The following HCRTR2 variants were observed in gnomAD, a reference collection of about 807,000 sequenced individuals.
HCRTR2 encodes the protein hypocretin receptor 2.
A neutral mutation model predicts 49.0 loss-of-function variants in HCRTR2; 22 were observed. The ratio of observed to expected loss-of-function variants is 0.45; its 90% CI spans 0.32 to 0.64. The LOEUF is 0.64. HCRTR2 is among the 30% of genes least tolerant of loss of function. The pLI, the probability that HCRTR2 is intolerant of heterozygous loss-of-function variation, is 0.04. For missense variants in HCRTR2, 491 were observed against 559.4 expected (o/e 0.88, Z 1.23); for synonymous variants, 236 against 205.3 (o/e 1.15, Z -1.28).
chr6:55,273,017 A>G (rs1422975058), intron 4 of HCRTR2, among the ~76,000 whole-genome samples: 1 of 152,088 alleles, frequency 6.6e-6, no homozygotes, highest in Non-Finnish European at 1.5e-5. Context: ...GGAGCTATTC[A>G]TAGTGAGAAT....
At chr6:55,271,605 A>C (rs529007341) in intron 4 of HCRTR2, among the ~76,000 whole-genome samples, 1 of 152,246 alleles carries the variant, frequency 6.6e-6, no homozygotes, top group Non-Finnish European at 1.5e-5. Flanking sequence ...AGCCCATATA[A>C]ATGCAGAAAA....
chr6:55,107,264 A>G (rs2127609712), intron 1 of HCRTR2, among the ~76,000 whole-genome samples: 1 of 152,278 alleles, frequency 6.6e-6, no homozygotes, highest in Non-Finnish European at 1.5e-5. Flanking sequence ...AAAAATATTC[A>G]AATACTATAA....
chr6:55,259,729 A>G (rs1193579358), intron 3 of HCRTR2, among the ~76,000 whole-genome samples: 3 of 151,914 alleles, frequency 2.0e-5, no homozygotes, highest in Non-Finnish European at 4.4e-5. Context: ...ATTTTTAATG[A>G]TTATCAATAT....
At chr6:55,111,302 A>C (rs566343252) in intron 1 of HCRTR2, among the ~76,000 whole-genome samples, 1 of 152,238 alleles carries the variant, frequency 6.6e-6, no homozygotes, top group Non-Finnish European at 1.5e-5. Flanking sequence ...CTAGCAAAAG[A>C]AAAGAAATAA....
At chr6:55,165,120 A>C (rs1292769772) in intron 1 of HCRTR2, among the ~76,000 whole-genome samples, 1 of 152,196 alleles carries the variant, frequency 6.6e-6, no homozygotes, top group Admixed American at 6.6e-5. Context: ...ATACAGTCAG[A>C]GGAGACAAAA....
chr6:55,141,206 G>A (rs554785047), intron 1 of HCRTR2, among the ~76,000 whole-genome samples: 120 of 151,672 alleles, frequency 7.9e-4, no homozygotes, highest in African/African-American at 2.2e-3. Context: ...TTAACCGGGC[G>A]TGGTGGCAGT....
At chr6:55,127,334 C>T (rs964951609) in intron 1 of HCRTR2, among the ~76,000 whole-genome samples, 5 of 151,994 alleles carry the variant, frequency 3.3e-5, no homozygotes, top group Admixed American at 6.6e-5. Flanking sequence ...GAAAACTCCC[C>T]GACCCCTTGC....
intron 1 of HCRTR2, among the ~76,000 whole-genome samples, chr6:55,223,899 C>A (rs769301629): frequency 2.0e-5 from 3 of 152,078 alleles, no homozygotes; most frequent in Non-Finnish European, 4.4e-5. Flanking sequence ...ATATGCAGAG[C>A]TGTTAATGGC....
intron 1 of HCRTR2, among the ~76,000 whole-genome samples, chr6:55,230,486 T>A (rs998587781): frequency 2.6e-5 from 4 of 152,126 alleles, no homozygotes; most frequent in Non-Finnish European, 5.9e-5. Flanking sequence ...AAAATATGAG[T>A]AAATGGTATT....
intron 1 of HCRTR2, among the ~76,000 whole-genome samples, chr6:55,219,840 T>A (rs1044470332): frequency 6.6e-6 from 1 of 151,864 alleles, no homozygotes; most frequent in Non-Finnish European, 1.5e-5. Flanking sequence ...GACTCATAAA[T>A]AATATTGTAA....
At chr6:55,124,303 T>C (rs1764243839) in intron 1 of HCRTR2, among the ~76,000 whole-genome samples, 1 of 152,192 alleles carries the variant, frequency 6.6e-6, no homozygotes, top group South Asian at 2.1e-4. Flanking sequence ...ACAGAGATTC[T>C]GGTATGTTAT....
At chr6:55,126,863 T>C (rs1174220046) in intron 1 of HCRTR2, among the ~76,000 whole-genome samples, 3 of 152,178 alleles carry the variant, frequency 2.0e-5, no homozygotes, top group Non-Finnish European at 4.4e-5. Context: ...TTGTTTATAC[T>C]GTGAGTGTAA....
In HCRTR2 at chr6:55,205,365, A is replaced by G. The variant is rs999462885; in HGVS notation, c.223+30555A>G. The stretch of plus-strand genomic sequence containing the variant: ...GAGAGATCGAGAAGAATGGCTGGGG[A>G]AGAAGGAATCTAAGGTAGTGAAGAG... On this transcript the variant is annotated intron_variant, in intron 1 of 6. Coordinates refer to ENST00000370862, the MANE Select transcript of HCRTR2 (RefSeq NM_001384272.1). 2.0e-5 allele frequency among the ~76,000 whole-genome samples: 3 copies of G among 152,194 alleles called. No homozygotes were observed. In the South Asian group the frequency reaches 6.2e-4, roughly 31 times the overall value.
At chr6:55,226,177 T>G (rs1766000894) in intron 1 of HCRTR2, among the ~76,000 whole-genome samples, 3 of 152,236 alleles carry the variant, frequency 2.0e-5, no homozygotes, top group Admixed American at 6.5e-5. Flanking sequence ...CTTAGTTTCC[T>G]TATTTTCTAT....
At chr6:55,115,527 A>G (rs1216270943) in intron 1 of HCRTR2, among the ~76,000 whole-genome samples, 1 of 151,260 alleles carries the variant, frequency 6.6e-6, no homozygotes, top group Non-Finnish European at 1.5e-5. Flanking sequence ...TAGTAGTAGT[A>G]GTACTAGCAG....
At chr6:55,113,356 G>A (rs1038940737) in intron 1 of HCRTR2, among the ~76,000 whole-genome samples, 1 of 152,034 alleles carries the variant, frequency 6.6e-6, no homozygotes, top group African/African-American at 2.4e-5. Context: ...CACAGAGTGG[G>A]AGAAAATCTT....
intron 1 of HCRTR2, among the ~76,000 whole-genome samples, chr6:55,134,575 T>C (rs1235839916): frequency 6.6e-6 from 1 of 151,886 alleles, no homozygotes; most frequent in Non-Finnish European, 1.5e-5. Context: ...CCCCAGATCT[T>C]ATTCATCTTA....
chr6:55,134,239 C>T lies in HCRTR2; in HGVS notation c.-378+27694C>T, dbSNP rs546847594. ...TGTTTGTTTGTTTGTTTGTTTTTTG[C>T]TTCAACTCACTCTAAAATTTTCTAT... On this transcript the variant is annotated intron_variant, in intron 1 of 7. Transcript: ENST00000615358. Among the ~76,000 whole-genome samples, 3 of 146,934 alleles carry T rather than the reference C, an allele frequency of 2.0e-5. No homozygotes were observed. The South Asian group carries it at 6.5e-4, about 32-fold the overall frequency.
At position 55,255,451 on chromosome 6, in the gene HCRTR2, A is replaced by G; in HGVS notation, c.646+72A>G. ...AATTGAAAATTGGATTAGCATAGCC[A>G]TTGTAAAGCTGGGCTTATATATTTT... On this transcript the variant is annotated intron_variant, in intron 3 of 6. Transcript: ENST00000370862. The G allele has an allele frequency of 2.0e-6, 3 of 1,529,886 alleles. No homozygotes were observed. The East Asian group carries it at 6.7e-5, about 34-fold the overall frequency. 94.8% of individuals were successfully genotyped at this position (1,529,886 alleles called of 1,614,324 possible). A position where few individuals can be genotyped will look rare whatever the true frequency, so the allele number is the denominator to read the frequency against.
Sources: allele counts gnomAD v4.1 joint callset (sites outside exome capture counted in the v4.1 genomes callset), GRCh38; gene constraint gnomAD v4.1.1; transcripts MANE v1.5; gene names NCBI Gene and HGNC (gene_info 2026-07-23, HGNC 2026-07-21).